Variants in KCNH7 observed in about 807,000 individuals in gnomAD.
KCNH7 encodes potassium voltage-gated channel subfamily H member 7.
Under a neutral mutation model 120.8 loss-of-function variants are expected in KCNH7, and 49 were observed. That is an observed-to-expected ratio of 0.41 (90% CI 0.32 to 0.51). The LOEUF is 0.51. Ranked by LOEUF, KCNH7 falls within the 20% of genes least tolerant of loss-of-function variation. KCNH7 has a pLI of 0.38. For missense variants in KCNH7, 1,097 were observed against 1,446.6 expected, an observed-to-expected ratio of 0.76 and a Z score of 3.92; for synonymous variants, 547 against 516.1, an observed-to-expected ratio of 1.06 and a Z score of -0.81.
chr2:162,528,067 G>C (rs1691776444), intron 3 of KCNH7: 1 of 151,906 alleles, frequency 6.6e-6, no homozygotes, highest in African/African-American at 2.4e-5. Flanking sequence ...TCTCACACTT[G>C]AAGAACCATT....
intron 2 of KCNH7, among the ~76,000 whole-genome samples, chr2:162,620,936 T>C (rs576091365): frequency 1.3e-5 from 2 of 152,292 alleles, no homozygotes; most frequent in Non-Finnish European, 2.9e-5. Flanking sequence ...TCTGTTATTA[T>C]GCTGGGATGA....
At chr2:162,384,320 G>A (rs1686510779) in intron 13 of KCNH7, among the ~76,000 whole-genome samples, 1 of 151,764 alleles carries the variant, frequency 6.6e-6, no homozygotes, top group Admixed American at 6.6e-5. Flanking sequence ...TAGGGTTGGG[G>A]GTGAGAAATG....
intron 2 of KCNH7, among the ~76,000 whole-genome samples, chr2:162,650,708 AT>A (rs5835915): frequency 0.11 from 17,179 of 152,124 alleles, 2,574 homozygotes; most frequent in African/African-American, 0.34. Context: ...TCCCATCAGC[AT>A]GACTGTTTAT....
intron 6 of KCNH7, among the ~76,000 whole-genome samples, chr2:162,474,303 A>G (rs1408085364): frequency 1.3e-5 from 2 of 152,232 alleles, no homozygotes; most frequent in African/African-American, 4.8e-5. Context: ...ATAAAGGGTC[A>G]TAATAAGAAG....
intron 2 of KCNH7, among the ~76,000 whole-genome samples, chr2:162,619,532 G>A (rs1288673931): frequency 1.3e-5 from 2 of 150,428 alleles, no homozygotes; most frequent in Non-Finnish European, 3.0e-5. Flanking sequence ...CAAAATCAAT[G>A]TCAGATGACA....
rs75675770 is a variant in KCNH7, at chr2:162,673,102, T to G, written c.308-136022A>C. Among the ~76,000 whole-genome samples the G allele has an allele frequency of 4.1e-4, 62 of 152,092 alleles. 2 individuals are homozygous for G. In the East Asian group the frequency reaches 0.012, roughly 29 times the overall value. On this transcript the variant is annotated intron_variant, in intron 2 of 15. Transcript: ENST00000332142. ...AGAATGTTTACAATTCTACCAAACT[T>G]TAAAATAGCTGATATTTGCAATATT...
intron 6 of KCNH7, among the ~76,000 whole-genome samples, chr2:162,489,239 T>C (rs1422741148): frequency 6.6e-6 from 1 of 152,200 alleles, no homozygotes; most frequent in Non-Finnish European, 1.5e-5. Context: ...GCTTGTAAAA[T>C]GTTTTTATTT....
At chr2:162,386,043 A>G (rs1460656943) in intron 12 of KCNH7, among the ~76,000 whole-genome samples, 1 of 151,898 alleles carries the variant, frequency 6.6e-6, no homozygotes, top group Non-Finnish European at 1.5e-5. Flanking sequence ...TGTTTTGTCA[A>G]TTAAAGTTGA....
At chr2:162,590,409 C>T (rs930041939) in intron 2 of KCNH7, among the ~76,000 whole-genome samples, 5 of 152,020 alleles carry the variant, frequency 3.3e-5, no homozygotes, top group African/African-American at 1.2e-4. Context: ...CAGAAAGGGT[C>T]ATTGAGATTC....
At chr2:162,554,523 G>C (rs191461962) in intron 2 of KCNH7, among the ~76,000 whole-genome samples, 1 of 152,148 alleles carries the variant, frequency 6.6e-6, no homozygotes. Context: ...GGCCCGAAGA[G>C]TGAATTCATT....
chr2:162,801,052 T>C (rs1016841700), intron 2 of KCNH7, among the ~76,000 whole-genome samples: 18 of 151,894 alleles, frequency 1.2e-4, no homozygotes, highest in African/African-American at 4.3e-4. Context: ...TTTAAAGCCA[T>C]GTTTATATTT....
intron 3 of KCNH7, among the ~76,000 whole-genome samples, chr2:162,536,306 G>C (rs1330470855): frequency 6.6e-6 from 1 of 151,926 alleles, no homozygotes; most frequent in Non-Finnish European, 1.5e-5. Flanking sequence ...ATGGATAGTT[G>C]ATAAAGAAAT....
chr2:162,529,831 C>CA (rs1389966539), intron 3 of KCNH7, among the ~76,000 whole-genome samples: 1 of 151,794 alleles, frequency 6.6e-6, no homozygotes, highest in Non-Finnish European at 1.5e-5. Flanking sequence ...AGACTGCAAA[C>CA]TTTTTACAGA....
chr2:162,817,700 C>T (rs1198279643), intron 2 of KCNH7, among the ~76,000 whole-genome samples: 1 of 152,086 alleles, frequency 6.6e-6, no homozygotes, highest in African/African-American at 2.4e-5. Flanking sequence ...GTCTCCGTTG[C>T]TCCACATCTT....
intron 6 of KCNH7, among the ~76,000 whole-genome samples, chr2:162,482,487 A>C (rs1197177281): frequency 6.6e-6 from 1 of 152,130 alleles, no homozygotes; most frequent in African/African-American, 2.4e-5. Context: ...ATTCCAAAGG[A>C]TATATTAAAG....
chr2:162,691,223 G>A (rs560167102), intron 2 of KCNH7, among the ~76,000 whole-genome samples: 2 of 152,284 alleles, frequency 1.3e-5, no homozygotes, highest in African/African-American at 4.8e-5. Flanking sequence ...AGAAGACAGA[G>A]TGGTGGTTTC....
At chr2:162,520,619 A>T (rs189056063) in intron 3 of KCNH7, among the ~76,000 whole-genome samples, 23 of 151,842 alleles carry the variant, frequency 1.5e-4, no homozygotes, top group Admixed American at 3.9e-4. Flanking sequence ...CAACAACAAA[A>T]AAAACTAGGT....
At chr2:162,644,771 T>G (rs1438021018) in intron 2 of KCNH7, among the ~76,000 whole-genome samples, 2 of 152,184 alleles carry the variant, frequency 1.3e-5, no homozygotes, top group Non-Finnish European at 2.9e-5. Context: ...GTCCTATTTT[T>G]TTCCTTAATT....
chr2:162,500,041 G>A lies in KCNH7; in HGVS notation c.1128+4402C>T, dbSNP rs144290096. 3.2e-4 allele frequency among the ~76,000 whole-genome samples: 49 copies of A among 151,336 alleles called. 1 individual carries two copies. In the East Asian group the frequency reaches 9.3e-3, roughly 29 times the overall value. On this transcript the variant is annotated intron_variant, in intron 6 of 15. Transcript: ENST00000332142. ...TGTACTGTACTTCTCTACTTCCTTC[G>A]AGACTCAAAGGCAGAGATTTGCCTT...
Sources: gnomAD v4.1 joint callset for allele counts (sites outside exome capture counted in the v4.1 genomes callset) on GRCh38, gnomAD v4.1.1 for gene constraint, MANE v1.5 for transcripts, NCBI Gene and HGNC (gene_info 2026-07-23, HGNC 2026-07-21) for gene names.